Variants in PDXDC1 observed in about 807,000 individuals in gnomAD.
PDXDC1 encodes pyridoxal-dependent decarboxylase domain-containing protein 1.
A neutral mutation model predicts 100.1 loss-of-function variants in PDXDC1; 42 were observed. The ratio of observed to expected loss-of-function variants is 0.42; its 90% confidence interval spans 0.33 to 0.54. PDXDC1 has a LOEUF of 0.54. Ranked by LOEUF, PDXDC1 falls within the 20% of genes least tolerant of loss-of-function variation. The probability of loss-of-function intolerance (pLI) is 0.10; values close to 1 mark genes in which losing one functional copy is unlikely to be tolerated. For synonymous variants in PDXDC1, 260 were observed against 371.7 expected (o/e 0.70, Z 3.46); for missense variants, 636 against 979.2 (o/e 0.65, Z 4.68).
At chr16:15,072,926 A>G (rs1318290350) in intron 16 of PDXDC1, 5 of 1,610,918 alleles carry the variant, frequency 3.1e-6, no homozygotes, top group Non-Finnish European at 4.2e-6. Context: ...AAGCTAAGAT[A>G]ATGTTAATCA....
At chr16:15,007,466 G>A (rs143945860) in intron 6 of PDXDC1, among the ~76,000 whole-genome samples, 2,821 of 151,284 alleles carry the variant, frequency 0.019, no homozygotes, top group Non-Finnish European at 0.031. Context: ...GAGCCACTGC[G>A]CCCAGCCGAG....
chr16:15,150,132 C>T, the PDXDC1 span, among the ~76,000 whole-genome samples: 1 of 151,746 alleles, frequency 6.6e-6, no homozygotes, highest in African/African-American at 2.4e-5. Context: ...ATCACGAGGT[C>T]AGGAGATCCA....
chr16:15,094,259 G>A (rs766604777), intron 16 of PDXDC1: 60 of 1,530,930 alleles, frequency 3.9e-5, no homozygotes, highest in Admixed American at 5.9e-5. Context: ...CGACCGCTGC[G>A]CCTCAGGCCG....
At chr16:15,150,350 T>C in the PDXDC1 span, among the ~76,000 whole-genome samples, 2 of 130,760 alleles carry the variant, frequency 1.5e-5, no homozygotes, top group African/African-American at 5.7e-5. Flanking sequence ...CAAATAACAA[T>C]AAATAAATAA....
At chr16:15,074,766 C>A (rs752023489) in intron 16 of PDXDC1, 7 of 1,613,982 alleles carry the variant, frequency 4.3e-6, no homozygotes, top group Admixed American at 3.3e-5. Context: ...AAACCAAAGA[C>A]ATCAGGATGT....
chr16:15,101,939 C>T (rs1038874912), intron 16 of PDXDC1, among the ~76,000 whole-genome samples: 106 of 152,242 alleles, frequency 7.0e-4, no homozygotes, highest in Non-Finnish European at 1.1e-3. Flanking sequence ...ACCTCCACCT[C>T]CTGGGTTCAA....
intron 16 of PDXDC1, chr16:15,131,547 CAG>C (rs1254784827): frequency 6.8e-6 from 11 of 1,609,668 alleles, no homozygotes; most frequent in Middle Eastern, 2.3e-4. Flanking sequence ...CCGCCAGTGT[CAG>C]GGGCTCCTCG....
chr16:15,141,444 C>A (rs1038689862), downstream of PDXDC1, among the ~76,000 whole-genome samples: 2 of 152,350 alleles, frequency 1.3e-5, no homozygotes, highest in African/African-American at 2.4e-5. Flanking sequence ...CACTGGCTCC[C>A]GGAGCTTCTC....
chr16:14,984,520 C>T (rs939122294), intron 1 of PDXDC1, among the ~76,000 whole-genome samples: 9 of 115,168 alleles, frequency 7.8e-5, no homozygotes, highest in African/African-American at 2.9e-4. Context: ...TTTTCTGAGA[C>T]GGACTCTCAC....
chr16:15,047,789 G>T, intron 16 of PDXDC1: 1 of 1,350,028 alleles, frequency 7.4e-7, no homozygotes, highest in Non-Finnish European at 1.1e-6. Flanking sequence ...CTCAACACGA[G>T]AAATTCAATG....
rs11549900 is a variant in PDXDC1, at chr16:15,004,190, C to G, written c.246C>G (p.Ile82Met). The part of the protein sequence containing the change: ...DEDEEPQSPR[I>M]QNIGEQGHMA... ...ATACTTTAATTTTGCTTAACAGAATCCAAAATATTGGAGAACAAGGTCATA... is the reference window on the plus strand; with the variant it reads ...ATACTTTAATTTTGCTTAACAGAATGCAAAATATTGGAGAACAAGGTCATA... Residue 82 changes from isoleucine to methionine, a missense_variant, in exon 5 of 23, where the codon ATC (isoleucine) becomes ATG (methionine). Coordinates refer to ENST00000396410, the MANE Select transcript of PDXDC1 (RefSeq NM_015027.4). 358,682 of 1,452,812 alleles carry G rather than the reference C, an allele frequency of 0.25. 18,691 individuals are homozygous for G. Among genetic ancestry groups the G allele is most frequent in the East Asian group, 0.5 (22,179 of 44,044 alleles). 90.0% of individuals were successfully genotyped at this position (1,452,812 alleles called of 1,614,324 possible).
intron 16 of PDXDC1, chr16:15,126,005 A>T (rs2047698993): frequency 5.0e-6 from 3 of 596,862 alleles, no homozygotes; most frequent in East Asian, 2.8e-5. Flanking sequence ...TTGACAGCAG[A>T]CTGGTGCAGC....
chr16:15,022,766 A>C lies in PDXDC1; in HGVS notation c.1140+12A>C. The C allele has an allele frequency of 6.3e-7, 1 of 1,599,330 alleles. No individual in the cohort carries two copies. The highest frequency in any genetic ancestry group is 8.5e-7 in the Non-Finnish European group (1 of 1,170,950). ...ACATCAAAATCTTGGTATAGTATAT[A>C]AGTTCATCTGTTTTCAAAATATAAC... On this transcript the variant is annotated intron_variant, in intron 13 of 22. Transcript: ENST00000396410.
chr16:15,140,094 T>A (rs1483958445), downstream of PDXDC1, among the ~76,000 whole-genome samples: 5 of 4,418 alleles, frequency 1.1e-3, no homozygotes, highest in South Asian at 0.014. Flanking sequence ...AGACTCCATC[T>A]CAAAAAAAAA....
At chr16:15,090,186 C>T (rs946768281) in intron 16 of PDXDC1, among the ~76,000 whole-genome samples, 4 of 151,184 alleles carry the variant, frequency 2.6e-5, no homozygotes, top group African/African-American at 7.3e-5. Flanking sequence ...CTCCAGCCTG[C>T]GTGGTAAGAA....
Position 15,137,841 on chromosome 16 carries a change from C to T in PDXDC1, c.1400-1038C>T, listed in dbSNP as rs937487661. On this transcript the variant is annotated intron_variant, in intron 16 of 16. Coordinates refer to the PDXDC1 transcript ENST00000535621. ...GCACACGTGGCTGCCTCGGGCTGCA[C>T]CACCCGCACCTGCTGCTCCTCCGCC... 13 of 1,438,342 alleles carry T rather than the reference C, an allele frequency of 9.0e-6. No homozygotes were observed. In the African/African-American group the frequency reaches 1.1e-4, roughly 12 times the overall value. The allele number at this position is 1,438,342 out of a possible 1,614,324, so 89.1% of individuals were successfully genotyped here. A position where few individuals can be genotyped will look rare whatever the true frequency, so the allele number is the denominator to read the frequency against.
intron 16 of PDXDC1, chr16:15,106,458 G>T (rs371688123): frequency 8.6e-7 from 1 of 1,164,464 alleles, no homozygotes; most frequent in Non-Finnish European, 1.2e-6. Flanking sequence ...TCAGATGGCT[G>T]TAAGAGTACA....
At chr16:15,079,994 T>G (rs1478908912) in intron 16 of PDXDC1, 1 of 1,587,796 alleles carries the variant, frequency 6.3e-7, no homozygotes, top group African/African-American at 1.3e-5. Flanking sequence ...TACTCAATAC[T>G]TACATCCAAC....
downstream of PDXDC1, chr16:15,038,632 C>T (rs745652703): frequency 3.1e-6 from 5 of 1,610,550 alleles, no homozygotes; most frequent in Non-Finnish European, 4.2e-6. Context: ...AAATGGTGTC[C>T]AGGAGTACGG....
Sources: gnomAD v4.1 joint callset for allele counts (sites outside exome capture counted in the v4.1 genomes callset) on GRCh38, gnomAD v4.1.1 for gene constraint, MANE v1.5 for transcripts, NCBI Gene and HGNC (gene_info 2026-07-23, HGNC 2026-07-21) for gene names.